Variants in ATXN2 observed in about 807,000 individuals in gnomAD.
ATXN2 encodes the protein ataxin 2.
Under a neutral mutation model 138.6 loss-of-function variants are expected in ATXN2, and 37 were observed. The ratio of observed to expected loss-of-function variants is 0.27; its 90% CI spans 0.21 to 0.35. ATXN2 has a LOEUF of 0.35. Ranked by LOEUF, ATXN2 falls within the 10% of genes least tolerant of loss-of-function variation. ATXN2 has a pLI of 1.00. For missense variants in ATXN2, 1,216 were observed against 1,480.3 expected, an observed-to-expected ratio of 0.82 and a Z score of 2.93; for synonymous variants, 549 against 543.7, an observed-to-expected ratio of 1.01 and a Z score of -0.13.
At chr12:111,489,507 G>A (rs1877878501) in intron 14 of ATXN2, among the ~76,000 whole-genome samples, 2 of 152,094 alleles carry the variant, frequency 1.3e-5, no homozygotes, top group African/African-American at 2.4e-5. Context: ...CTGCTACTCG[G>A]GAGGCTGAGG....
chr12:111,482,439 C>T (rs148625412), intron 18 of ATXN2, among the ~76,000 whole-genome samples: 1 of 151,910 alleles, frequency 6.6e-6, no homozygotes, highest in African/African-American at 2.4e-5. Context: ...CGTGATCTGC[C>T]CACCTCGGCC....
rs530237759 is a variant in ATXN2 at position 111,521,773 on chromosome 12, G to A, written c.697-800C>T. The stretch of plus-strand genomic sequence containing the variant: ...AGGCTGCCTTCTTTTTTTGGTGGGG[G>A]GGAGCCAGGGGCAAGCAAGTTTATT... On this transcript the variant is annotated intron_variant, in intron 6 of 24. Transcript: ENST00000673436. Among the ~76,000 whole-genome samples, 235 of 152,142 alleles carry A rather than the reference G, an allele frequency of 1.5e-3. 3 individuals are homozygous for A. The highest frequency in any genetic ancestry group is 5.3e-3 in the African/African-American group (221 of 41,526).
intron 16 of ATXN2, 120 bp from the exon 17 acceptor site, chr12:111,485,985 G>A (rs527743312): frequency 2.3e-5 from 21 of 907,286 alleles, no homozygotes; most frequent in East Asian, 6.1e-5. Flanking sequence ...CCCTTTTATT[G>A]AAAACAAAAA....
At chr12:111,466,323 C>T (rs1049240157) in intron 20 of ATXN2, among the ~76,000 whole-genome samples, 1 of 151,512 alleles carries the variant, frequency 6.6e-6, no homozygotes, top group Non-Finnish European at 1.5e-5. Context: ...ACAGTGAAAC[C>T]CCATCTCTAC....
intron 1 of ATXN2, among the ~76,000 whole-genome samples, chr12:111,559,247 C>T (rs753620739): frequency 6.0e-5 from 9 of 151,092 alleles, no homozygotes; most frequent in East Asian, 2.0e-4. Context: ...ACTACAGGTA[C>T]GCGTCACCAT....
At chr12:111,563,947 C>A (rs1477621414) in intron 1 of ATXN2, among the ~76,000 whole-genome samples, 4 of 152,120 alleles carry the variant, frequency 2.6e-5, no homozygotes, top group African/African-American at 9.7e-5. Context: ...GTCATATACC[C>A]ACTACTCAGG....
chr12:111,574,901 G>A (rs1398496855), intron 1 of ATXN2, among the ~76,000 whole-genome samples: 1 of 152,074 alleles, frequency 6.6e-6, no homozygotes, highest in Non-Finnish European at 1.5e-5. Context: ...ACTCATCTCT[G>A]CCACCTTCTG....
At chr12:111,510,079 CTA>C in intron 12 of ATXN2, 81 bp from the exon 13 acceptor site, 2 of 1,086,484 alleles carry the variant, frequency 1.8e-6, no homozygotes, top group South Asian at 3.0e-5. Context: ...TTTTGATTTC[CTA>C]TGTTTTTGGA....
At chr12:111,579,209 G>A (rs1443220993) in intron 1 of ATXN2, among the ~76,000 whole-genome samples, 1 of 152,100 alleles carries the variant, frequency 6.6e-6, no homozygotes. Flanking sequence ...CCAACCAAGA[G>A]AAATAAAATC....
chr12:111,557,518 A>G (rs1311712712), intron 1 of ATXN2, among the ~76,000 whole-genome samples: 1 of 152,220 alleles, frequency 6.6e-6, no homozygotes, highest in Non-Finnish European at 1.5e-5. Context: ...CTACAAAACC[A>G]GACACCATAC....
chr12:111,455,835 C>T lies in ATXN2; in HGVS notation c.3270+194G>A, dbSNP rs1875046802. 1.4e-5 allele frequency: 9 copies of T among 654,194 alleles called. No individual in the cohort carries two copies. The South Asian group carries it at 1.6e-4, about 12-fold the overall frequency. The allele number at this position is 654,194 out of a possible 1,614,324, so 40.5% of individuals were successfully genotyped here. On this transcript the variant is annotated intron_variant, in intron 23 of 24. Coordinates refer to ENST00000673436, the MANE Select transcript of ATXN2 (RefSeq NM_001372574.1). ...GAAAACTAAAGGACTGACCAATCAGCACCTTCACTGATCCCATGACAAAAC... is the reference window on the plus strand; with the variant it reads ...GAAAACTAAAGGACTGACCAATCAGTACCTTCACTGATCCCATGACAAAAC...
chr12:111,598,684 C>T lies in ATXN2; in HGVS notation c.251+100G>A. 4 of 881,514 alleles carry T rather than the reference C, an allele frequency of 4.5e-6. No homozygotes were observed. The highest frequency in any genetic ancestry group is 4.1e-6 in the Non-Finnish European group (3 of 723,108). 54.6% of individuals were successfully genotyped at this position (881,514 alleles called of 1,614,324 possible). A position where few individuals can be genotyped will look rare whatever the true frequency, so the allele number is the denominator to read the frequency against. On this transcript the variant is annotated intron_variant, in intron 1 of 24. Transcript: ENST00000673436. This position sits in a 1 kb window ranked among gnomAD's most constrained non-coding sequence, Gnocchi z 4.5. ...CCGCGCTGCCGGCCCCCAGCCCACCCCGGGTAGCCCGGCGGGTCACGGGGC... is the reference window on the plus strand; with the variant it reads ...CCGCGCTGCCGGCCCCCAGCCCACCTCGGGTAGCCCGGCGGGTCACGGGGC...
intron 21 of ATXN2, among the ~76,000 whole-genome samples, chr12:111,459,692 G>A (rs1330036471): frequency 2.6e-5 from 4 of 151,590 alleles, no homozygotes; most frequent in South Asian, 4.2e-4. Context: ...CATCCGCCTC[G>A]GCCTCCCAAA....
chr12:111,516,169 G>A lies in ATXN2; in HGVS notation c.1360C>T (p.Arg454Cys), dbSNP rs1879844733. Residue 454 changes from arginine to cysteine, a missense_variant, in exon 10 of 25, where the codon CGC becomes TGC. By Grantham distance (180) the Arg-to-Cys change is radical. Transcript: ENST00000673436. This position sits in a 1 kb window ranked among gnomAD's most constrained non-coding sequence, Gnocchi z 5.0. ...SPAPVSTMPKRMSSEGPPRMS... is the reference protein window; with the variant it reads ...SPAPVSTMPKCMSSEGPPRMS... ...GGTATTGTACCTTCTGAAGACATGC[G>A]TTTAGGCATAGTAGAGACAGGAGCT... 2.5e-6 allele frequency: 4 copies of A among 1,595,770 alleles called. No homozygotes were observed. Among genetic ancestry groups the A allele is most frequent in the Admixed American group, 1.8e-5 (1 of 54,604 alleles).
chr12:111,546,023 G>GT (rs1170007140), intron 5 of ATXN2, among the ~76,000 whole-genome samples: 2 of 151,250 alleles, frequency 1.3e-5, no homozygotes, highest in Non-Finnish European at 2.9e-5. Flanking sequence ...AAGGAAGGTA[G>GT]TGGTTAGTTG....
intron 3 of ATXN2, among the ~76,000 whole-genome samples, chr12:111,553,550 C>T (rs1022402554): frequency 2.1e-4 from 25 of 120,226 alleles, no homozygotes; most frequent in Middle Eastern, 7.1e-3. Flanking sequence ...TTGGTTCAGA[C>T]GCAACCATGC....
chr12:111,509,198 A>G (rs1229045066), intron 14 of ATXN2, among the ~76,000 whole-genome samples: 1 of 152,210 alleles, frequency 6.6e-6, no homozygotes, highest in African/African-American at 2.4e-5. Flanking sequence ...ACCAGAGTCC[A>G]GTACATCTTC....
chr12:111,535,401 G>T (rs1881093370), intron 5 of ATXN2, among the ~76,000 whole-genome samples: 1 of 152,024 alleles, frequency 6.6e-6, no homozygotes, highest in Non-Finnish European at 1.5e-5. Context: ...AAGGCAGGTG[G>T]ATCACAAGGT....
intron 1 of ATXN2, among the ~76,000 whole-genome samples, chr12:111,585,090 C>A (rs926837130): frequency 6.6e-5 from 10 of 152,172 alleles, no homozygotes; most frequent in Admixed American, 6.6e-5. Context: ...AAAAATACTT[C>A]TTTGGGAGAT....
Sources: gnomAD v4.1 joint callset for allele counts (sites outside exome capture counted in the v4.1 genomes callset) on GRCh38, gnomAD v4.1.1 for gene constraint, Gnocchi (gnomAD v3.1) non-coding constraint, MANE v1.5 for transcripts, NCBI Gene and HGNC (gene_info 2026-07-23, HGNC 2026-07-21) for gene names.